Variants in RGS8 observed in about 807,000 individuals in gnomAD.
RGS8 encodes regulator of G protein signaling 8, also known as regulator of G-protein signaling 8.
Under a neutral mutation model 21.7 loss-of-function variants are expected in RGS8, and 8 were observed. The observed-to-expected ratio is 0.37, with a 90% CI of 0.22 to 0.66. The LOEUF (loss-of-function observed/expected upper bound fraction) is 0.66. Ranked by LOEUF, RGS8 falls within the 30% of genes least tolerant of loss-of-function variation. RGS8 has a pLI of 0.59. For missense variants in RGS8, 157 were observed against 217.9 expected (o/e 0.72, Z 1.76); for synonymous variants, 80 against 83.6 (o/e 0.96, Z 0.24).
At chr1:182,692,618 A>G in the RGS8 span, among the ~76,000 whole-genome samples, 1 of 151,682 alleles carries the variant, frequency 6.6e-6, no homozygotes, top group African/African-American at 2.4e-5. Flanking sequence ...AATTAAAAAA[A>G]ATTCTAAAAT....
chr1:182,727,476 A>G, the RGS8 span, among the ~76,000 whole-genome samples: 2 of 152,240 alleles, frequency 1.3e-5, no homozygotes, highest in African/African-American at 4.8e-5. Flanking sequence ...TCAAGGGAGT[A>G]AAATTGACAT....
chr1:182,648,142 G>T, exon 6 of RGS8: 1 of 1,606,470 alleles, frequency 6.2e-7, no homozygotes, highest in Non-Finnish European at 8.5e-7. Context: ...CACACCTCCC[G>T]TGGAGCCTGC....
the RGS8 span, among the ~76,000 whole-genome samples, chr1:182,718,284 G>C: frequency 6.6e-6 from 1 of 152,222 alleles, no homozygotes; most frequent in Non-Finnish European, 1.5e-5. Flanking sequence ...CTGAGTCCTA[G>C]AGAGACAGAA....
At chr1:182,715,820 G>T in the RGS8 span, among the ~76,000 whole-genome samples, 3 of 152,114 alleles carry the variant, frequency 2.0e-5, no homozygotes, top group South Asian at 4.1e-4. Flanking sequence ...TAATATTAGG[G>T]TCTGCCACAG....
chr1:182,747,533 A>G, the RGS8 span, among the ~76,000 whole-genome samples: 1 of 152,172 alleles, frequency 6.6e-6, no homozygotes, highest in Non-Finnish European at 1.5e-5. Flanking sequence ...GTACTTGCAA[A>G]CACAATAACC....
the RGS8 span, among the ~76,000 whole-genome samples, chr1:182,734,096 T>C: frequency 6.6e-6 from 1 of 151,506 alleles, no homozygotes; most frequent in African/African-American, 2.4e-5. Flanking sequence ...AATTTTTGTA[T>C]TTTTAGTAGA....
At position 182,666,490 on chromosome 1, in the gene RGS8, A is replaced by G. The variant is rs75417654; in HGVS notation, c.128+382T>C. Among the ~76,000 whole-genome samples the G allele has an allele frequency of 3.7e-4, 57 of 152,292 alleles. 4 individuals carry two copies. The East Asian group carries it at 0.011, about 29-fold the overall frequency. ...CTATGATATTTAATACAGCACCAGC[A>G]CAGAAGAGGTGCTGAATTCAGGTTA... On this transcript the variant is annotated intron_variant, in intron 4 of 6. Coordinates refer to ENST00000483095, the Ensembl canonical transcript of RGS8.
chr1:182,670,607 A>C (rs1664110483), intron 2 of RGS8, among the ~76,000 whole-genome samples: 1 of 152,200 alleles, frequency 6.6e-6, no homozygotes, highest in South Asian at 2.1e-4. Context: ...CATAGAACCC[A>C]TTTTAAAAGG....
At chr1:182,704,986 A>G in the RGS8 span, among the ~76,000 whole-genome samples, 1 of 152,340 alleles carries the variant, frequency 6.6e-6, no homozygotes, top group East Asian at 1.9e-4. Flanking sequence ...AGGTCAAACA[A>G]TGTTTTTGAT....
intron 3 of RGS8, 132 bp downstream of exon 4, chr1:182,669,492 T>C (rs1664044355): frequency 7.5e-7 from 1 of 1,329,668 alleles, no homozygotes; most frequent in Non-Finnish European, 1.1e-6. Context: ...ACAGGAGGCC[T>C]ATGGGGACAG....
At chr1:182,732,267 T>TCACA in the RGS8 span, among the ~76,000 whole-genome samples, 3,394 of 132,998 alleles carry the variant, frequency 0.026, 64 homozygotes, top group East Asian at 0.08. Context: ...TCGCTCTCTC[T>TCACA]CTCATACACA....
the RGS8 span, among the ~76,000 whole-genome samples, chr1:182,706,691 T>A: frequency 2.6e-5 from 4 of 151,296 alleles, no homozygotes; most frequent in African/African-American, 9.7e-5. Context: ...GGTCTCAAAC[T>A]CCTGACCTCA....
intron 5 of RGS8, among the ~76,000 whole-genome samples, chr1:182,655,430 C>T (rs749817678): frequency 7.2e-5 from 11 of 152,148 alleles, no homozygotes; most frequent in Admixed American, 1.3e-4. Context: ...AAACAGGGTG[C>T]GCATAGGCAG....
chr1:182,703,095 A>G, the RGS8 span, among the ~76,000 whole-genome samples: 2 of 152,242 alleles, frequency 1.3e-5, no homozygotes, highest in Non-Finnish European at 2.9e-5. Flanking sequence ...AATGCTGGAC[A>G]AGATAGAGTA....
chr1:182,702,986 T>A, the RGS8 span, among the ~76,000 whole-genome samples: 1 of 152,214 alleles, frequency 6.6e-6, no homozygotes, highest in African/African-American at 2.4e-5. Flanking sequence ...AAGGAACACT[T>A]GGATTGTTTC....
the RGS8 span, among the ~76,000 whole-genome samples, chr1:182,749,170 C>T: frequency 6.6e-6 from 1 of 152,144 alleles, no homozygotes; most frequent in Non-Finnish European, 1.5e-5. Context: ...CTGGCCCAGA[C>T]CAGTGTTATG....
chr1:182,645,312 C>T (rs1200126259), downstream of RGS8: 1 of 152,208 alleles, frequency 6.6e-6, no homozygotes, highest in Non-Finnish European at 1.5e-5. Flanking sequence ...AGTAACTCCA[C>T]TCTGTTATCC....
At chr1:182,650,508 CACT>C (rs1351978665) in intron 5 of RGS8, among the ~76,000 whole-genome samples, 1 of 152,164 alleles carries the variant, frequency 6.6e-6, no homozygotes, top group East Asian at 1.9e-4. Flanking sequence ...TGACTCCCAA[CACT>C]AAGCTTGAAG....
chr1:182,747,043 C>CTTTGTTTTTTTTT, the RGS8 span, among the ~76,000 whole-genome samples: 2 of 21,028 alleles, frequency 9.5e-5, no homozygotes, highest in Non-Finnish European at 1.9e-4. Flanking sequence ...CACTGCTGGT[C>CTTTGTTTTTTTTT]TTTTTTTTTT....
Sources: allele counts gnomAD v4.1 joint callset (sites outside exome capture counted in the v4.1 genomes callset), GRCh38; gene constraint gnomAD v4.1.1; transcripts MANE v1.5; gene names NCBI Gene and HGNC (gene_info 2026-07-23, HGNC 2026-07-21).